The following STK38 variants were observed in gnomAD, a reference collection of about 807,000 sequenced individuals.
STK38 encodes serine/threonine kinase 38, also known as serine/threonine-protein kinase 38.
STK38 carries 26 observed loss-of-function variants against 59.0 expected under a neutral mutation model. The observed-to-expected ratio is 0.44, with a 90% CI of 0.32 to 0.61. STK38 has a LOEUF of 0.61. Among genes scored for constraint, STK38 ranks in the 20% least tolerant of loss-of-function variants. STK38 has a pLI of 0.04. For synonymous variants in STK38, 175 were observed against 176.6 expected (o/e 0.99, Z 0.07); for missense variants, 433 against 566.0 (o/e 0.76, Z 2.38).
chr6:36,533,917 C>G (rs1225579358), intron 2 of STK38, among the ~76,000 whole-genome samples: 1 of 152,194 alleles, frequency 6.6e-6, no homozygotes, highest in African/African-American at 2.4e-5. Context: ...CTTGTTTACT[C>G]CAGTGAACAG....
At chr6:36,525,998 G>A (rs668606) in intron 2 of STK38, among the ~76,000 whole-genome samples, 1,562 of 152,132 alleles carry the variant, frequency 0.01, 34 homozygotes, top group African/African-American at 0.036. Flanking sequence ...CTACAGGCGC[G>A]TGCCACCATA....
chr6:36,516,858 C>A (rs2127476621), intron 6 of STK38, among the ~76,000 whole-genome samples: 1 of 152,310 alleles, frequency 6.6e-6, no homozygotes, highest in African/African-American at 2.4e-5. Context: ...GAAGATGGTA[C>A]AGGTTGAGGC....
intron 2 of STK38, among the ~76,000 whole-genome samples, chr6:36,538,805 T>G (rs1777858855): frequency 7.3e-6 from 1 of 137,162 alleles, no homozygotes; most frequent in Admixed American, 8.0e-5. Context: ...GGCAGGAGAA[T>G]CACTTGAACC....
intron 10 of STK38, among the ~76,000 whole-genome samples, chr6:36,499,206 G>C (rs1776779466): frequency 1.3e-5 from 2 of 152,066 alleles, no homozygotes; most frequent in Admixed American, 1.3e-4. Context: ...ACTTGAATAA[G>C]AAAAAAGCAT....
chr6:36,544,993 C>A (rs1371652215), intron 1 of STK38, among the ~76,000 whole-genome samples: 1 of 151,996 alleles, frequency 6.6e-6, no homozygotes, highest in Non-Finnish European at 1.5e-5. Flanking sequence ...GTCAACAAAG[C>A]TAAAGAATAA....
intron 1 of STK38, among the ~76,000 whole-genome samples, chr6:36,542,060 C>G (rs1777951766): frequency 1.3e-5 from 2 of 152,008 alleles, no homozygotes; most frequent in Non-Finnish European, 2.9e-5. Flanking sequence ...GTCTCAAACT[C>G]TTGACCTCAA....
Position 36,502,018 on chromosome 6 carries a change from T to C in STK38, c.835-2028A>G, listed in dbSNP as rs943359425. 2.2e-4 allele frequency among the ~76,000 whole-genome samples: 34 copies of C among 152,220 alleles called. 1 individual carries two copies. The highest frequency in any genetic ancestry group is 6.5e-5 in the Admixed American group (1 of 15,284). ...GAGGTATCTTCCATGTCCTCCAAAG[T>C]AGTTAGTCCCTATTTAAACCAACCC... On this transcript the variant is annotated intron_variant, in intron 9 of 13. Coordinates refer to ENST00000229812, the MANE Select transcript of STK38 (RefSeq NM_007271.4).
chr6:36,542,530 C>A (rs990314243), intron 1 of STK38, among the ~76,000 whole-genome samples: 4 of 152,106 alleles, frequency 2.6e-5, no homozygotes, highest in Non-Finnish European at 5.9e-5. Context: ...CACCAGTAGT[C>A]CTAGCTACTC....
intron 2 of STK38, among the ~76,000 whole-genome samples, chr6:36,527,895 C>T (rs531459201): frequency 1.3e-5 from 2 of 150,056 alleles, no homozygotes; most frequent in South Asian, 2.1e-4. Flanking sequence ...GTCAGGAGAT[C>T]GAGACCATCC....
At chr6:36,540,896 T>C (rs1465391398) in intron 1 of STK38, among the ~76,000 whole-genome samples, 26 of 150,342 alleles carry the variant, frequency 1.7e-4, no homozygotes, top group Non-Finnish European at 1.5e-5. Context: ...TCTTTATTTA[T>C]TTATTTATTT....
At chr6:36,507,930 ATTTTTTTTTT>A (rs35789250) in intron 7 of STK38, among the ~76,000 whole-genome samples, 1 of 113,258 alleles carries the variant, frequency 8.8e-6, no homozygotes, top group African/African-American at 3.6e-5. Context: ...GGTATTCAGA[ATTTTTTTTTT>A]TTTTTTTTTT....
intron 9 of STK38, among the ~76,000 whole-genome samples, chr6:36,504,503 A>C (rs997537805): frequency 6.6e-6 from 1 of 152,214 alleles, no homozygotes; most frequent in African/African-American, 2.4e-5. Flanking sequence ...AAAGTAACAC[A>C]GTTAATTAAC....
At chr6:36,543,069 A>ATT (rs918419637) in intron 1 of STK38, among the ~76,000 whole-genome samples, 3 of 146,032 alleles carry the variant, frequency 2.1e-5, no homozygotes, top group Non-Finnish European at 3.0e-5. Context: ...ATAGCGCTCA[A>ATT]TTTTTTTTTT....
chr6:36,528,589 G>A (rs1056976407), intron 2 of STK38, among the ~76,000 whole-genome samples: 3 of 152,152 alleles, frequency 2.0e-5, no homozygotes, highest in African/African-American at 2.4e-5. Context: ...GCATCTATGC[G>A]TGCACATGTA....
At chr6:36,502,245 G>A (rs1776858491) in intron 9 of STK38, among the ~76,000 whole-genome samples, 1 of 151,932 alleles carries the variant, frequency 6.6e-6, no homozygotes, top group Admixed American at 6.6e-5. Flanking sequence ...TGGCCTCAAG[G>A]GATTCTCCTG....
chr6:36,504,470 A>G (rs1776911740), intron 9 of STK38, among the ~76,000 whole-genome samples: 1 of 152,180 alleles, frequency 6.6e-6, no homozygotes, highest in Non-Finnish European at 1.5e-5. Context: ...GTACTAGCTG[A>G]ATGGGATCAC....
At chr6:36,530,654 AC>A (rs1445706335) in intron 2 of STK38, among the ~76,000 whole-genome samples, 1 of 147,232 alleles carries the variant, frequency 6.8e-6, no homozygotes, top group Admixed American at 6.8e-5. Context: ...GGCGTGAGCC[AC>A]CACACCCGGC....
chr6:36,520,857 C>T (rs925787887), intron 5 of STK38, among the ~76,000 whole-genome samples: 5 of 152,266 alleles, frequency 3.3e-5, no homozygotes, highest in African/African-American at 1.2e-4. Flanking sequence ...GTGATTATAT[C>T]TCCTCTCAAG....
chr6:36,520,054 T>G (rs756863478), intron 5 of STK38, among the ~76,000 whole-genome samples: 1 of 152,208 alleles, frequency 6.6e-6, no homozygotes, highest in Non-Finnish European at 1.5e-5. Context: ...GAATTTGCAC[T>G]GGTCTACTTC....
Sources: gnomAD v4.1 joint callset for allele counts (sites outside exome capture counted in the v4.1 genomes callset) on GRCh38, gnomAD v4.1.1 for gene constraint, MANE v1.5 for transcripts, NCBI Gene and HGNC (gene_info 2026-07-23, HGNC 2026-07-21) for gene names.